PTHLH: variants seen among roughly 807,000 people sequenced by gnomAD.
The protein encoded by PTHLH is parathyroid hormone like hormone.
PTHLH carries 5 observed loss-of-function variants against 18.6 expected under a neutral mutation model. The observed-to-expected ratio is 0.27, with a 90% CI of 0.14 to 0.56. The LOEUF (loss-of-function observed/expected upper bound fraction) is 0.56, where lower values mean the gene tolerates loss of function less well. Among genes scored for constraint, PTHLH ranks in the 20% least tolerant of loss-of-function variants. PTHLH has a pLI of 0.92. For synonymous variants in PTHLH, 90 were observed against 94.0 expected, an observed-to-expected ratio of 0.96 and a Z score of 0.25; for missense variants, 207 against 223.9, an observed-to-expected ratio of 0.92 and a Z score of 0.48.
intron 2 of PTHLH, among the ~76,000 whole-genome samples, chr12:27,970,881 A>T (rs963429974): frequency 1.3e-5 from 2 of 152,178 alleles, no homozygotes; most frequent in African/African-American, 4.8e-5. Context: ...CCCGGGATGA[A>T]CTGAGTGGGG....
At chr12:27,961,883 A>G (rs6248) in intron 5 of PTHLH, 35,770 of 694,666 alleles carry the variant, frequency 0.051, 1,444 homozygotes, top group Admixed American at 0.14. Flanking sequence ...GCAGAGTCAA[A>G]GGAAATGACT....
chr12:27,963,832 CA>C, intron 4 of PTHLH, 62 bp from the exon 5 acceptor site: 1 of 1,513,882 alleles, frequency 6.6e-7, no homozygotes, highest in South Asian at 1.1e-5. Context: ...ATAGAGACAA[CA>C]AAGACATGAG....
intron 5 of PTHLH, chr12:27,963,090 T>G (rs2062775499): frequency 1.4e-5 from 19 of 1,386,332 alleles, no homozygotes; most frequent in East Asian, 1.1e-4. Flanking sequence ...GGTAAAGGAT[T>G]GATGTTGGGT....
In PTHLH at chr12:27,970,113, C is replaced by G. The variant is rs541630468; in HGVS notation, c.-111G>C. On this transcript the variant is annotated 5_prime_UTR_variant, in exon 3 of 6. Transcript: ENST00000545234. ...GTGCGTGTGTCGTCGATCAGGAGGG[C>G]CAGGTGGCGGCGAGGGCGGGTCGTT... is the stretch of plus-strand genomic sequence containing the variant. 1 of 518,980 alleles carries G rather than the reference C, an allele frequency of 1.9e-6. No individual in the cohort carries two copies. Among genetic ancestry groups the G allele is most frequent in the South Asian group, 1.4e-5 (1 of 71,592 alleles). The allele number at this position is 518,980 out of a possible 1,614,324, so 32.1% of individuals were successfully genotyped here.
chr12:27,962,519 T>C, intron 5 of PTHLH: 1 of 984,148 alleles, frequency 1.0e-6, no homozygotes, highest in Non-Finnish European at 1.2e-6. Context: ...GGCCCTAAGT[T>C]ATTTGATCCC....
intron 5 of PTHLH, chr12:27,962,958 T>C: frequency 1.8e-6 from 2 of 1,122,848 alleles, no homozygotes; most frequent in Non-Finnish European, 2.2e-6. Context: ...ACGTAAGAAA[T>C]GAAAAACACT....
At chr12:27,961,573 A>C (rs1175312948) in intron 5 of PTHLH, 1 of 176,236 alleles carries the variant, frequency 5.7e-6, no homozygotes, top group Non-Finnish European at 1.2e-5. Flanking sequence ...TCCTTACATT[A>C]GTTATAAATA....
chr12:27,971,348 G>T (rs1182145756), intron 2 of PTHLH, among the ~76,000 whole-genome samples: 1 of 152,126 alleles, frequency 6.6e-6, no homozygotes, highest in Non-Finnish European at 1.5e-5. Context: ...ATCTAGGAAA[G>T]GATTGCAGCG....
At position 27,969,405 on chromosome 12, in the gene PTHLH, G is replaced by T; in HGVS notation, c.90C>A (p.Leu30=). 6.3e-7 allele frequency: 1 copy of T among 1,582,414 alleles called. No individual in the cohort carries two copies. Residue 30 remains leucine (L), a synonymous_variant, in exon 4 of 6, where the codon CTC becomes CTA. Coordinates refer to ENST00000545234, the MANE Select transcript of PTHLH (RefSeq NM_198965.2). Reference sequence around the variant, plus strand: ...GATGGGGCACTTACAGGCGGCGGCTGAGACCCTCCACCGAGCGCCCGCAGG... The same window carrying T: ...GATGGGGCACTTACAGGCGGCGGCTTAGACCCTCCACCGAGCGCCCGCAGG... ...VPSCGRSVEG[L]SRRLKRAVSE...
rs567371535 is a variant in PTHLH at position 27,958,817 on chromosome 12, T to C, written c.525-249A>G. On this transcript the variant is annotated intron_variant, in intron 5 of 5. Coordinates refer to ENST00000545234, the MANE Select transcript of PTHLH (RefSeq NM_198965.2). ...GTGCGGAAAGGAAAAGGGCCTGCGTTTCCAATCATGCTGTCAGAAAAAGGA... is the reference window on the plus strand; with the variant it reads ...GTGCGGAAAGGAAAAGGGCCTGCGTCTCCAATCATGCTGTCAGAAAAAGGA... Among the ~76,000 whole-genome samples, 4 of 152,352 alleles carry C rather than the reference T, an allele frequency of 2.6e-5. No individual in the cohort carries two copies. The South Asian group carries it at 6.2e-4, about 24-fold the overall frequency.
At chr12:27,961,964 C>CTT (rs377014358) in intron 5 of PTHLH, 49 of 545,980 alleles carry the variant, frequency 9.0e-5, no homozygotes, top group South Asian at 2.5e-4. Context: ...TGTTGTTTTC[C>CTT]TTTTTTTTTT....
chr12:27,969,152 T>C (rs2062843699), intron 4 of PTHLH: 1 of 546,030 alleles, frequency 1.8e-6, no homozygotes, highest in Non-Finnish European at 3.3e-6. Flanking sequence ...TGTGAAACGC[T>C]CCCTCTTATG....
intron 5 of PTHLH, chr12:27,962,541 G>A: frequency 1.0e-6 from 1 of 985,402 alleles, no homozygotes; most frequent in Non-Finnish European, 1.2e-6. Context: ...AAGTCTAGGA[G>A]TGTCATTATT....
intron 3 of PTHLH, 87 bp from the exon 4 acceptor site, chr12:27,969,603 CAA>C (rs2062850548): frequency 2.5e-6 from 3 of 1,177,088 alleles, no homozygotes; most frequent in Admixed American, 3.6e-5. Context: ...AGCCCGCTCT[CAA>C]AAAGCCTCTT....
chr12:27,961,809 A>G (rs974245106), intron 5 of PTHLH: 14 of 560,232 alleles, frequency 2.5e-5, no homozygotes, highest in Admixed American at 3.6e-5. Flanking sequence ...CAGCTTAAAG[A>G]GACAAATAAT....
intron 4 of PTHLH, among the ~76,000 whole-genome samples, chr12:27,964,573 A>T (rs2062795367): frequency 6.6e-6 from 1 of 152,000 alleles, no homozygotes; most frequent in Admixed American, 6.6e-5. Flanking sequence ...GTGTGCTTAA[A>T]TGAGCTCATT....
intron 5 of PTHLH, among the ~76,000 whole-genome samples, chr12:27,960,538 C>T (rs554340068): frequency 1.3e-4 from 20 of 151,644 alleles, no homozygotes; most frequent in Admixed American, 1.2e-3. Context: ...GCCAACATGG[C>T]GAAACCCCAT....
At chr12:27,971,135 C>T (rs1051091153) in intron 2 of PTHLH, among the ~76,000 whole-genome samples, 2 of 151,934 alleles carry the variant, frequency 1.3e-5, no homozygotes, top group African/African-American at 4.8e-5. Context: ...CTCTGATACC[C>T]TACCTGCTTG....
At chr12:27,961,176 C>T (rs966132064) in intron 5 of PTHLH, among the ~76,000 whole-genome samples, 3 of 150,730 alleles carry the variant, frequency 2.0e-5, no homozygotes, top group Non-Finnish European at 3.0e-5. Flanking sequence ...TAAGAATTGA[C>T]GAGTGTTAAT....
Sources: allele counts gnomAD v4.1 joint callset (sites outside exome capture counted in the v4.1 genomes callset), GRCh38; gene constraint gnomAD v4.1.1; transcripts MANE v1.5; gene names NCBI Gene and HGNC (gene_info 2026-07-23, HGNC 2026-07-21).